PAK5: variants seen among roughly 807,000 people sequenced by gnomAD.
PAK5 encodes serine/threonine-protein kinase PAK 5.
In PAK5, 16 loss-of-function variants were observed where a neutral mutation model predicts 65.9. The ratio of observed to expected loss-of-function variants is 0.24; its 90% confidence interval spans 0.16 to 0.37. PAK5 has a LOEUF of 0.37. Ranked by LOEUF, PAK5 falls within the 10% of genes least tolerant of loss-of-function variation. The pLI is 1.00. For missense variants in PAK5, 785 were observed against 903.9 expected, an observed-to-expected ratio of 0.87 and a Z score of 1.69; for synonymous variants, 371 against 354.9, an observed-to-expected ratio of 1.05 and a Z score of -0.51.
At chr20:9,684,489 G>GA (rs1170566256) in intron 2 of PAK5, among the ~76,000 whole-genome samples, 1 of 152,180 alleles carries the variant, frequency 6.6e-6, no homozygotes, top group Non-Finnish European at 1.5e-5. Flanking sequence ...GAAACGTGCA[G>GA]AAAAAAGCTA....
At position 9,736,610 on chromosome 20, in the gene PAK5, G is replaced by A. The variant is rs1176675361; in HGVS notation, c.-161-25175C>T. ...AGTTGTTTAACCTTTAAAATGATGG[G>A]TTATTATCATGAAGGTTTCAAGATC... On this transcript the variant is annotated intron_variant, in intron 1 of 9. Coordinates refer to ENST00000353224, the MANE Select transcript of PAK5 (RefSeq NM_177990.4). Among the ~76,000 whole-genome samples the A allele has an allele frequency of 2.0e-5, 3 of 152,202 alleles. No homozygotes were observed. The East Asian group carries it at 5.8e-4, about 29-fold the overall frequency.
At position 9,580,170 on chromosome 20, in the gene PAK5, G is replaced by A. The variant is rs373636525; in HGVS notation, c.965C>T (p.Ser322Phe). Residue 322 changes from serine to phenylalanine, a missense_variant, in exon 4 of 10, where the codon TCC (serine) becomes TTC (phenylalanine). By Grantham distance (155) the Ser-to-Phe change is radical. This residue lies in a region of PAK5 where 422 missense variants were observed against 413.3 expected (regional missense o/e 1.02). Coordinates refer to ENST00000353224, the MANE Select transcript of PAK5 (RefSeq NM_177990.4). ...CTTTGGAATGCACATTGTGGGCTCG[G>A]ACAAGCGAGGGTAGGTGTAGGAGTT... is the stretch of plus-strand genomic sequence containing the variant. Reference protein sequence around the residue: ...SYNSYTYPRLSEPTMCIPKVD... With the variant: ...SYNSYTYPRLFEPTMCIPKVD... 1.2e-6 allele frequency: 2 copies of A among 1,613,106 alleles called. No individual in the cohort carries two copies. The highest frequency in any genetic ancestry group is 1.7e-6 in the Non-Finnish European group (2 of 1,179,392).
chr20:9,757,525 C>T (rs6056844), intron 1 of PAK5, among the ~76,000 whole-genome samples: 56 of 152,222 alleles, frequency 3.7e-4, no homozygotes, highest in African/African-American at 1.2e-3. Flanking sequence ...TTCTCTTCTT[C>T]GATTTTGTTT....
chr20:9,837,905 T>C (rs987941206), intron 1 of PAK5, among the ~76,000 whole-genome samples: 14 of 152,196 alleles, frequency 9.2e-5, no homozygotes, highest in African/African-American at 2.9e-4. Flanking sequence ...AGCCTCAGCG[T>C]TTCAGGTTCC....
chr20:9,721,577 C>T (rs1159720327), intron 1 of PAK5, among the ~76,000 whole-genome samples: 1 of 143,360 alleles, frequency 7.0e-6, no homozygotes, highest in Non-Finnish European at 1.5e-5. Flanking sequence ...CGCTTGAACC[C>T]GGGAGGAGGA....
chr20:9,617,084 C>A (rs2046670450), intron 3 of PAK5, among the ~76,000 whole-genome samples: 1 of 152,134 alleles, frequency 6.6e-6, no homozygotes, highest in South Asian at 2.1e-4. Context: ...ACTAATTATT[C>A]CAAGTGAGTC....
chr20:9,696,702 A>C (rs1401126695), intron 2 of PAK5, among the ~76,000 whole-genome samples: 1 of 152,138 alleles, frequency 6.6e-6, no homozygotes, highest in Non-Finnish European at 1.5e-5. Context: ...TGTATTATGG[A>C]GAAAAGCAAA....
intron 3 of PAK5, among the ~76,000 whole-genome samples, chr20:9,619,146 C>T (rs557595537): frequency 1.8e-3 from 266 of 151,718 alleles, no homozygotes; most frequent in Admixed American, 3.5e-3. Context: ...TGGTCTGGAA[C>T]TCCTGGGTTC....
chr20:9,787,087 G>T (rs903023713), intron 1 of PAK5, among the ~76,000 whole-genome samples: 1 of 152,178 alleles, frequency 6.6e-6, no homozygotes, highest in East Asian at 1.9e-4. Flanking sequence ...AACAGTGATG[G>T]TTTAGCTTTA....
At chr20:9,636,434 T>C (rs959663583) in intron 3 of PAK5, among the ~76,000 whole-genome samples, 3 of 152,268 alleles carry the variant, frequency 2.0e-5, no homozygotes, top group South Asian at 4.1e-4. Flanking sequence ...GAGAAGTTTT[T>C]AAAGCAGTAC....
chr20:9,558,007 C>CATTTATTTATTT lies in PAK5; in HGVS notation c.1617-285_1617-274dup, dbSNP rs59495767. Among the ~76,000 whole-genome samples the CATTTATTTATTT allele has an allele frequency of 1.9e-3, 264 of 140,712 alleles. 4 individuals carry two copies. Among genetic ancestry groups the CATTTATTTATTT allele is most frequent in the Middle Eastern group, 0.014 (4 of 280 alleles). 92.3% of individuals were successfully genotyped at this position (140,712 alleles called of 152,430 possible). A position where few individuals can be genotyped will look rare whatever the true frequency, so the allele number is the denominator to read the frequency against. On this transcript the variant is annotated intron_variant, in intron 6 of 9. Coordinates refer to ENST00000353224, the MANE Select transcript of PAK5 (RefSeq NM_177990.4). ...TCATGCAAATGCACTTCCAGGAACT[C>CATTTATTTATTT]ATTTATTTATTTATTTATTTATTTA...
At chr20:9,797,421 T>C (rs2049116855) in intron 1 of PAK5, among the ~76,000 whole-genome samples, 3 of 147,902 alleles carry the variant, frequency 2.0e-5, no homozygotes, top group Admixed American at 7.0e-5. Flanking sequence ...CCACATGTCC[T>C]CATTCATAGG....
At chr20:9,686,483 C>T (rs981396017) in intron 2 of PAK5, among the ~76,000 whole-genome samples, 8 of 152,176 alleles carry the variant, frequency 5.3e-5, no homozygotes, top group African/African-American at 1.9e-4. Flanking sequence ...GCAGCCTTGA[C>T]TTCCTGGGAT....
At chr20:9,787,649 GTGTGTGTA>G (rs1447912662) in intron 1 of PAK5, among the ~76,000 whole-genome samples, 9 of 151,490 alleles carry the variant, frequency 5.9e-5, no homozygotes, top group African/African-American at 9.7e-5. Context: ...GTGTGTGTGT[GTGTGTGTA>G]TGTGTATACA....
Position 9,756,697 on chromosome 20 carries a change from C to T in PAK5, c.-161-45262G>A, listed in dbSNP as rs78811909. On this transcript the variant is annotated intron_variant, in intron 1 of 9. Transcript: ENST00000353224. Reference sequence around the variant, plus strand: ...TAATTTCTCTTGTGTCTTTTTACATCGTAATTGGCTCCTGAAAAAATTAAA... The same window carrying T: ...TAATTTCTCTTGTGTCTTTTTACATTGTAATTGGCTCCTGAAAAAATTAAA... 9.8e-4 allele frequency among the ~76,000 whole-genome samples: 149 copies of T among 152,186 alleles called. 3 individuals carry two copies. The East Asian group carries it at 0.024, about 24-fold the overall frequency.
intron 3 of PAK5, among the ~76,000 whole-genome samples, chr20:9,608,625 T>C (rs2046499894): frequency 6.6e-6 from 1 of 152,268 alleles, no homozygotes; most frequent in Admixed American, 6.5e-5. Context: ...ATATCTTCTC[T>C]GCATGAGCAG....
At chr20:9,770,742 G>A (rs890201430) in intron 1 of PAK5, among the ~76,000 whole-genome samples, 1 of 152,184 alleles carries the variant, frequency 6.6e-6, no homozygotes, top group East Asian at 1.9e-4. Context: ...CAACAGAAAG[G>A]GGGTAGGATG....
intron 1 of PAK5, among the ~76,000 whole-genome samples, chr20:9,754,636 C>T (rs73600259): frequency 0.16 from 24,684 of 152,062 alleles, 2,283 homozygotes; most frequent in East Asian, 0.28. Context: ...CTAATCTTGT[C>T]GTTAATTTGT....
intron 1 of PAK5, among the ~76,000 whole-genome samples, chr20:9,799,194 C>T (rs1311123475): frequency 6.6e-6 from 1 of 152,116 alleles, no homozygotes; most frequent in Non-Finnish European, 1.5e-5. Flanking sequence ...AACTGTAATA[C>T]ATATTGCACA....
Sources: gnomAD v4.1 joint callset for allele counts (sites outside exome capture counted in the v4.1 genomes callset) on GRCh38, gnomAD v4.1.1 for gene constraint, gnomAD v4.1.1 regional missense constraint, MANE v1.5 for transcripts, NCBI Gene and HGNC (gene_info 2026-07-23, HGNC 2026-07-21) for gene names.